MAX: variants seen among roughly 807,000 people sequenced by gnomAD.
The protein encoded by MAX is protein max.
MAX carries 3 observed loss-of-function variants against 22.3 expected under a neutral mutation model. That is an observed-to-expected ratio of 0.13 (90% confidence interval 0.06 to 0.35). MAX has a LOEUF of 0.35. Ranked by LOEUF, MAX falls within the 10% of genes least tolerant of loss-of-function variation. The pLI, the probability that MAX is intolerant of heterozygous loss-of-function variation, is 1.00. For missense variants in MAX, 119 were observed against 209.4 expected (o/e 0.57, Z 2.66); for synonymous variants, 72 against 77.7 (o/e 0.93, Z 0.39).
chr14:65,100,604 T>C (rs2063802962), intron 2 of MAX, among the ~76,000 whole-genome samples: 1 of 152,232 alleles, frequency 6.6e-6, no homozygotes, highest in Admixed American at 6.5e-5. Context: ...TTCTTTATTC[T>C]TTATGGCCCT....
At chr14:65,024,217 A>G (rs968467289) in intron 3 of MAX, among the ~76,000 whole-genome samples, 1 of 152,200 alleles carries the variant, frequency 6.6e-6, no homozygotes, top group Non-Finnish European at 1.5e-5. Context: ...AAGCACTGAT[A>G]CCTGGCTGAA....
chr14:65,051,067 A>G (rs1472310677), intron 3 of MAX, among the ~76,000 whole-genome samples: 1 of 152,246 alleles, frequency 6.6e-6, no homozygotes, highest in Non-Finnish European at 1.5e-5. Context: ...GTATCAAAGC[A>G]TGTGGCCTGC....
chr14:65,056,491 C>T (rs1333185995), intron 3 of MAX, among the ~76,000 whole-genome samples: 2 of 152,152 alleles, frequency 1.3e-5, no homozygotes, highest in African/African-American at 4.8e-5. Flanking sequence ...TAAGATGAAT[C>T]GATCCATAGT....
At chr14:65,058,136 C>T (rs1359565486) in intron 3 of MAX, among the ~76,000 whole-genome samples, 1 of 151,776 alleles carries the variant, frequency 6.6e-6, no homozygotes, top group African/African-American at 2.4e-5. Flanking sequence ...CCTGTCTTCC[C>T]AGGAGTACAA....
Position 65,054,500 on chromosome 14 carries a change from C to CT in MAX, c.171+39207dup. On this transcript the variant is annotated intron_variant, in intron 3 of 3. Transcript: ENST00000341653. The surrounding 1 kb of genome is among the most constrained non-coding windows in gnomAD (Gnocchi z 4.4). Reference sequence around the variant, plus strand: ...GGACGTGTGATTGCACCAGTGGTCTCTGAATTGGTGTGGCTACATTTGTAG... The same window carrying CT: ...GGACGTGTGATTGCACCAGTGGTCTCTTGAATTGGTGTGGCTACATTTGTAG... 1 of 1,445,752 alleles carries CT rather than the reference C, an allele frequency of 6.9e-7. No homozygotes were observed. The allele number at this position is 1,445,752 out of a possible 1,614,324, so 89.6% of individuals were successfully genotyped here.
At position 65,009,422 on chromosome 14, in the gene MAX, C is replaced by T. The variant is rs2061651017; in HGVS notation, c.172-3138G>A. ...AACACACCCACCACCGTGGCCACTC[C>T]ACAGCTCTCCCACCATCTTGACTCC... On this transcript the variant is annotated intron_variant, in intron 3 of 3. Transcript: ENST00000341653. The surrounding 1 kb of genome is among the most constrained non-coding windows in gnomAD (Gnocchi z 4.2). 6.6e-6 allele frequency among the ~76,000 whole-genome samples: 1 copy of T among 152,126 alleles called. No individual in the cohort carries two copies. Among genetic ancestry groups the T allele is most frequent in the Non-Finnish European group, 1.5e-5 (1 of 68,010 alleles).
intron 3 of MAX, among the ~76,000 whole-genome samples, chr14:65,024,271 G>T (rs527458626): frequency 1.3e-5 from 2 of 152,234 alleles, no homozygotes; most frequent in South Asian, 4.1e-4. Context: ...CTGCCACCTG[G>T]GTCCCACCCA....
chr14:65,016,832 C>G (rs1383525350), intron 3 of MAX, among the ~76,000 whole-genome samples: 1 of 151,824 alleles, frequency 6.6e-6, no homozygotes, highest in Non-Finnish European at 1.5e-5. Context: ...GATGCCACTG[C>G]AAGCCTGGCT....
At chr14:65,046,221 C>T (rs2062473554) in intron 3 of MAX, among the ~76,000 whole-genome samples, 1 of 152,166 alleles carries the variant, frequency 6.6e-6, no homozygotes, top group South Asian at 2.1e-4. Context: ...GGTGATCTGT[C>T]CGCCTTGGCC....
At chr14:65,016,143 C>T (rs1396530642) in intron 3 of MAX, among the ~76,000 whole-genome samples, 2 of 152,184 alleles carry the variant, frequency 1.3e-5, no homozygotes, top group African/African-American at 2.4e-5. Flanking sequence ...TCCCCGCTCC[C>T]GGTGCTTGGA....
rs769572355 is a variant in MAX, at chr14:65,044,427, C to T, written c.172-38143G>A. The T allele has an allele frequency of 1.2e-5, 20 of 1,611,314 alleles. No homozygotes were observed. The highest frequency in any genetic ancestry group is 3.3e-4 in the Middle Eastern group (2 of 6,074). ...CGGGGCTCCTGCCCCTGCTCCACCG[C>T]GCACTGCACGCCCAAGGTGAGCCTG... On this transcript the variant is annotated intron_variant, in intron 3 of 3. Transcript: ENST00000341653. The surrounding 1 kb of genome is among the most constrained non-coding windows in gnomAD (Gnocchi z 5.5).
rs184332071 is a variant in MAX, at chr14:65,024,162, G to A, written c.172-17878C>T. ...CTAGTTCTACTGAATTAGAGCTGCA[G>A]TTTAGCAAGATCCACAGGTAATTTC... On this transcript the variant is annotated intron_variant, in intron 3 of 3. Transcript: ENST00000341653. Among the ~76,000 whole-genome samples the A allele has an allele frequency of 3.9e-5, 6 of 151,940 alleles. No homozygotes were observed. In the East Asian group the frequency reaches 5.8e-4, roughly 15 times the overall value.
chr14:65,089,618 C>T (rs2063439906), intron 3 of MAX, among the ~76,000 whole-genome samples: 1 of 151,672 alleles, frequency 6.6e-6, no homozygotes, highest in African/African-American at 2.4e-5. Flanking sequence ...AATTATACTC[C>T]CATGTAAAGG....
chr14:65,092,428 G>C (rs1053522873), intron 3 of MAX, among the ~76,000 whole-genome samples: 4 of 152,188 alleles, frequency 2.6e-5, no homozygotes, highest in Admixed American at 2.6e-4. Flanking sequence ...GGTCAAAGAA[G>C]CCTAAGAGAT....
chr14:65,052,217 C>T (rs1168001582), intron 3 of MAX, among the ~76,000 whole-genome samples: 1 of 151,992 alleles, frequency 6.6e-6, no homozygotes, highest in African/African-American at 2.4e-5. Context: ...GATGGCTATG[C>T]AGATTATGTA....
Position 65,084,294 on chromosome 14 carries a change from A to T in MAX, c.172-6258T>A, listed in dbSNP as rs1341758832. 6.6e-7 allele frequency: 1 copy of T among 1,524,194 alleles called. No homozygotes were observed. Among genetic ancestry groups the T allele is most frequent in the Non-Finnish European group, 9.1e-7 (1 of 1,098,110 alleles). The allele number at this position is 1,524,194 out of a possible 1,614,324, so 94.4% of individuals were successfully genotyped here. ...GAGTACACAATTTCCAAAAGAGGAA[A>T]TAGAGCTAGTAAATAAACATGTGGA... On this transcript the variant is annotated intron_variant, in intron 3 of 4. Transcript: ENST00000358664. The surrounding 1 kb of genome is among the most constrained non-coding windows in gnomAD (Gnocchi z 4.3).
chr14:65,102,578 G>C, upstream of MAX: 2 of 1,433,648 alleles, frequency 1.4e-6, no homozygotes, highest in Non-Finnish European at 1.8e-6. Context: ...GACCAGGCTC[G>C]CAGCGCTGGG....
At position 65,031,754 on chromosome 14, in the gene MAX, C is replaced by A. The variant is rs1267740736; in HGVS notation, c.172-25470G>T. ...TAGCCAACATGGCGAAACCCCATCT[C>A]CACTAAAAATAGAAAAATAAGCCAG... On this transcript the variant is annotated intron_variant, in intron 3 of 3. Coordinates refer to the MAX transcript ENST00000341653. The surrounding 1 kb of genome is among the most constrained non-coding windows in gnomAD (Gnocchi z 4.6). Among the ~76,000 whole-genome samples the A allele has an allele frequency of 6.6e-6, 1 of 152,076 alleles. No homozygotes were observed. Among genetic ancestry groups the A allele is most frequent in the Non-Finnish European group, 1.5e-5 (1 of 68,004 alleles).
rs576948338 is a variant in MAX at position 65,094,066 on chromosome 14, T to C, written c.64-251A>G. On this transcript the variant is annotated intron_variant, in intron 2 of 4. Transcript: ENST00000358664. ...GCATCCAGCTCATGCATAAGTAAAATAAAAGTTATTCAGGGGGACAAAGTG... is the reference window on the plus strand; with the variant it reads ...GCATCCAGCTCATGCATAAGTAAAACAAAAGTTATTCAGGGGGACAAAGTG... 5 of 499,460 alleles carry C rather than the reference T, an allele frequency of 1.0e-5. 1 individual carries two copies. Among genetic ancestry groups the C allele is most frequent in the South Asian group, 8.1e-5 (4 of 49,136 alleles). 30.9% of individuals were successfully genotyped at this position (499,460 alleles called of 1,614,324 possible).
Sources: gnomAD v4.1 joint callset for allele counts (sites outside exome capture counted in the v4.1 genomes callset) on GRCh38, gnomAD v4.1.1 for gene constraint, Gnocchi (gnomAD v3.1) non-coding constraint, MANE v1.5 for transcripts, NCBI Gene and HGNC (gene_info 2026-07-23, HGNC 2026-07-21) for gene names.